The following C9orf43 variants were observed in gnomAD, a reference collection of about 807,000 sequenced individuals.
C9orf43 encodes uncharacterized protein C9orf43.
A neutral mutation model predicts 59.1 loss-of-function variants in C9orf43; 45 were observed. The ratio of observed to expected loss-of-function variants is 0.76; its 90% CI spans 0.60 to 0.98. The LOEUF (loss-of-function observed/expected upper bound fraction) is 0.98, where lower values mean the gene tolerates loss of function less well. C9orf43 is among the 50% of genes least tolerant of loss of function. The pLI is 0.00. For synonymous variants in C9orf43, 203 were observed against 196.8 expected, an observed-to-expected ratio of 1.03 and a Z score of -0.26; for missense variants, 533 against 554.9, an observed-to-expected ratio of 0.96 and a Z score of 0.40.
At chr9:113,427,077 G>T (rs1448856567) in intron 11 of C9orf43, among the ~76,000 whole-genome samples, 1 of 152,156 alleles carries the variant, frequency 6.6e-6, no homozygotes, top group Non-Finnish European at 1.5e-5. Flanking sequence ...AGGTAGGCAG[G>T]GGCTTGTATG....
intron 7 of C9orf43, 116 bp from the exon 8 acceptor site, chr9:113,424,050 G>A (rs1272899302): frequency 1.7e-6 from 2 of 1,158,756 alleles, no homozygotes; most frequent in Admixed American, 2.4e-5. Context: ...TGTTGGTACA[G>A]GCCTTTTCAG....
chr9:113,415,305 G>A (rs72760092), intron 3 of C9orf43, among the ~76,000 whole-genome samples: 10,349 of 151,700 alleles, frequency 0.068, 511 homozygotes, highest in Non-Finnish European at 0.096. Flanking sequence ...CACCACTCCC[G>A]GCTAATTTTT....
At chr9:113,426,775 C>T (rs924811445) in intron 11 of C9orf43, among the ~76,000 whole-genome samples, 3 of 152,190 alleles carry the variant, frequency 2.0e-5, no homozygotes, top group African/African-American at 7.2e-5. Context: ...TACCCCTTCC[C>T]AATGCCTCCA....
rs532928720 is a variant in C9orf43, at chr9:113,416,695, T to G, written c.288-2413T>G. 3.3e-5 allele frequency among the ~76,000 whole-genome samples: 5 copies of G among 152,136 alleles called. No homozygotes were observed. The South Asian group carries it at 1.0e-3, about 32-fold the overall frequency. On this transcript the variant is annotated intron_variant, in intron 3 of 13. Coordinates refer to ENST00000374165, the MANE Select transcript of C9orf43 (RefSeq NM_001278629.2). Reference sequence around the variant, plus strand: ...TCTCTTAACTAGGTTTTTTTTTTTGTTCTTTTGTTTTTTGTTTTTAAAACA... The same window carrying G: ...TCTCTTAACTAGGTTTTTTTTTTTGGTCTTTTGTTTTTTGTTTTTAAAACA...
intron 1 of C9orf43, among the ~76,000 whole-genome samples, chr9:113,411,426 G>A (rs1044180751): frequency 2.0e-5 from 3 of 151,470 alleles, no homozygotes; most frequent in Non-Finnish European, 2.9e-5. Context: ...AGCCTCCTTA[G>A]TAGCTGGGAC....
At chr9:113,412,111 G>A (rs1213240207) in intron 1 of C9orf43, among the ~76,000 whole-genome samples, 1 of 152,162 alleles carries the variant, frequency 6.6e-6, no homozygotes, top group Non-Finnish European at 1.5e-5. Flanking sequence ...TATGATAAAT[G>A]GCAACTGAAA....
At chr9:113,416,974 T>C (rs979379052) in intron 3 of C9orf43, among the ~76,000 whole-genome samples, 7 of 152,212 alleles carry the variant, frequency 4.6e-5, no homozygotes, top group African/African-American at 1.7e-4. Context: ...TTCACAGAAG[T>C]CTTCCTCAAC....
At chr9:113,424,948 T>G in intron 8 of C9orf43, 71 bp from the exon 9 acceptor site, 1 of 1,344,096 alleles carries the variant, frequency 7.4e-7, no homozygotes, top group Non-Finnish European at 1.0e-6. Context: ...AATAAACGCA[T>G]TTGGGGGATA....
At chr9:113,428,347 GTTC>G (rs1828866489) in intron 12 of C9orf43, 124 bp downstream of exon 12, 5 of 975,000 alleles carry the variant, frequency 5.1e-6, no homozygotes, top group Non-Finnish European at 8.0e-6. Flanking sequence ...CTGGACAGTT[GTTC>G]TTCTCCTGCT....
intron 3 of C9orf43, among the ~76,000 whole-genome samples, chr9:113,415,702 T>C (rs559420448): frequency 1.2e-4 from 19 of 152,144 alleles, no homozygotes; most frequent in Middle Eastern, 3.4e-3. Flanking sequence ...TCTCCTACAA[T>C]GTCTGTGTAC....
At chr9:113,419,198 C>T (rs1828482409) in intron 4 of C9orf43, 33 bp downstream of exon 4, 2 of 1,522,212 alleles carry the variant, frequency 1.3e-6, no homozygotes, top group African/African-American at 2.8e-5. Flanking sequence ...ACTTCTTCAA[C>T]ATTTTTTCTT....
intron 3 of C9orf43, among the ~76,000 whole-genome samples, chr9:113,415,489 T>C (rs1285240066): frequency 2.6e-5 from 4 of 152,172 alleles, no homozygotes; most frequent in South Asian, 4.1e-4. Context: ...GCTGTTTGTC[T>C]TATTTTTAAA....
intron 1 of C9orf43, 71 bp from the exon 2 acceptor site, chr9:113,413,374 G>A: frequency 7.4e-7 from 1 of 1,351,144 alleles, no homozygotes; most frequent in Non-Finnish European, 9.8e-7. Context: ...TATACTGTGA[G>A]TTCAAATTAA....
chr9:113,413,416 C>T, intron 1 of C9orf43, 29 bp from the exon 2 acceptor site: 2 of 1,535,332 alleles, frequency 1.3e-6, no homozygotes, highest in East Asian at 2.3e-5. Context: ...GTATAATACT[C>T]CCTAATTATG....
chr9:113,426,749 G>A (rs111299898), intron 11 of C9orf43, among the ~76,000 whole-genome samples: 6,209 of 152,192 alleles, frequency 0.041, 172 homozygotes, highest in South Asian at 0.1. Flanking sequence ...CCTGAATTCC[G>A]TTCTGGTGCC....
chr9:113,429,057 C>T (rs2119114967), intron 13 of C9orf43, 94 bp downstream of exon 13: 2 of 1,477,220 alleles, frequency 1.4e-6, no homozygotes, highest in East Asian at 2.3e-5. Context: ...CCTGAAGGCA[C>T]AGTTCCTCTA....
intron 8 of C9orf43, 143 bp from the exon 9 acceptor site, chr9:113,424,876 C>T (rs192777986): frequency 1.6e-4 from 110 of 666,996 alleles, no homozygotes; most frequent in Non-Finnish European, 2.2e-4. Flanking sequence ...TCCCTTCCTC[C>T]GTAGCCCCTG....
intron 3 of C9orf43, 144 bp from the exon 4 acceptor site, chr9:113,418,964 A>G (rs1828474243): frequency 1.7e-6 from 1 of 599,652 alleles, no homozygotes. Flanking sequence ...AAACTTAAGG[A>G]TATGGTGAGA....
intron 11 of C9orf43, among the ~76,000 whole-genome samples, chr9:113,427,468 C>T (rs1267485896): frequency 1.3e-5 from 2 of 152,234 alleles, no homozygotes; most frequent in Non-Finnish European, 2.9e-5. Context: ...TGAGCCACTG[C>T]GCCCAGCCAA....
Sources: gnomAD v4.1 joint callset for allele counts (sites outside exome capture counted in the v4.1 genomes callset) on GRCh38, gnomAD v4.1.1 for gene constraint, MANE v1.5 for transcripts, NCBI Gene and HGNC (gene_info 2026-07-23, HGNC 2026-07-21) for gene names.